CFAP61: variants seen among roughly 807,000 people sequenced by gnomAD.
CFAP61 encodes cilia- and flagella-associated protein 61.
A neutral mutation model predicts 135.6 loss-of-function variants in CFAP61; 107 were observed. The observed-to-expected ratio is 0.79, with a 90% CI of 0.67 to 0.93. CFAP61 has a LOEUF of 0.93. Ranked by LOEUF, CFAP61 falls within the 40% of genes least tolerant of loss-of-function variation. CFAP61 has a pLI of 0.00. For synonymous variants in CFAP61, 575 were observed against 578.5 expected, an observed-to-expected ratio of 0.99 and a Z score of 0.09; for missense variants, 1,507 against 1,556.2, an observed-to-expected ratio of 0.97 and a Z score of 0.53.
rs1245754855 is a variant in CFAP61, at chr20:20,109,394, G to C, written c.859+10580G>C. ...TGGGGTTTCATCTTTGCACCACCCA[G>C]CATCCCACCACAGGTACTTGAGGCT... On this transcript the variant is annotated intron_variant, in intron 8 of 26. Transcript: ENST00000245957. 1.3e-5 allele frequency among the ~76,000 whole-genome samples: 2 copies of C among 152,138 alleles called. 1 individual carries two copies. The highest frequency in any genetic ancestry group is 3.9e-4 in the East Asian group (2 of 5,182).
chr20:20,298,560 G>T (rs1029647736), intron 25 of CFAP61, among the ~76,000 whole-genome samples, 174 bp downstream of exon 25: 1 of 152,216 alleles, frequency 6.6e-6, no homozygotes, highest in Non-Finnish European at 1.5e-5. Flanking sequence ...GGGCTGGGGA[G>T]CAGAGAGTCA....
intron 13 of CFAP61, among the ~76,000 whole-genome samples, chr20:20,173,884 C>A (rs952570854): frequency 3.9e-5 from 6 of 152,066 alleles, no homozygotes; most frequent in African/African-American, 1.4e-4. Flanking sequence ...GTAGTAGCGG[C>A]CTTGTTCTTA....
intron 20 of CFAP61, 80 bp from the exon 21 acceptor site, chr20:20,262,876 A>T (rs2052378863): frequency 2.7e-6 from 2 of 735,026 alleles, no homozygotes; most frequent in Non-Finnish European, 2.1e-6. Context: ...GAATATTGCT[A>T]TGTCTACTTT....
chr20:20,305,843 T>C (rs1193488624), intron 25 of CFAP61, among the ~76,000 whole-genome samples: 2 of 152,230 alleles, frequency 1.3e-5, no homozygotes, highest in Non-Finnish European at 2.9e-5. Flanking sequence ...GGATTCCTCA[T>C]TGACCATGCC....
At chr20:20,239,887 C>T (rs1207123242) in intron 18 of CFAP61, among the ~76,000 whole-genome samples, 1 of 152,076 alleles carries the variant, frequency 6.6e-6, no homozygotes, top group Non-Finnish European at 1.5e-5. Context: ...ACCCTCTAGA[C>T]AAGATGGTGA....
chr20:20,125,997 T>A lies in CFAP61; in HGVS notation c.860-16860T>A, dbSNP rs374111353. Among the ~76,000 whole-genome samples the A allele has an allele frequency of 4.0e-5, 6 of 151,834 alleles. 1 individual carries two copies. The highest frequency in any genetic ancestry group is 1.5e-4 in the African/African-American group (6 of 41,100). On this transcript the variant is annotated intron_variant, in intron 8 of 26. Transcript: ENST00000245957. ...CTTTGTCTCTTTTAACTGCTGTTGC[T>A]TTAAAGTTTGTTTTGTCTGATATAA... is the stretch of plus-strand genomic sequence containing the variant.
At chr20:20,197,015 A>T (rs552193928) in intron 16 of CFAP61, among the ~76,000 whole-genome samples, 1 of 152,226 alleles carries the variant, frequency 6.6e-6, no homozygotes, top group Non-Finnish European at 1.5e-5. Flanking sequence ...TGGCTTTTCT[A>T]TATTGACAAA....
intron 23 of CFAP61, among the ~76,000 whole-genome samples, chr20:20,289,709 T>C (rs2147064816): frequency 6.6e-6 from 1 of 152,240 alleles, no homozygotes; most frequent in East Asian, 1.9e-4. Context: ...CCCCACAAGG[T>C]CTTGCTCTGC....
intron 19 of CFAP61, among the ~76,000 whole-genome samples, chr20:20,249,170 G>T (rs1839712756): frequency 6.6e-6 from 1 of 152,144 alleles, no homozygotes; most frequent in Non-Finnish European, 1.5e-5. Context: ...TCGATATATA[G>T]TTTCACTCAA....
intron 25 of CFAP61, among the ~76,000 whole-genome samples, chr20:20,310,924 A>G (rs1282712511): frequency 6.6e-6 from 1 of 152,238 alleles, no homozygotes; most frequent in African/African-American, 2.4e-5. Flanking sequence ...AGGGTGTTTT[A>G]TAGAGTGGAG....
At chr20:20,302,661 CAAAAAT>C in intron 25 of CFAP61, among the ~76,000 whole-genome samples, 1 of 151,878 alleles carries the variant, frequency 6.6e-6, no homozygotes, top group Admixed American at 6.6e-5. Context: ...GACTGTGTCT[CAAAAAT>C]AAAAATAAAA....
rs1156851258 is a variant in CFAP61, at chr20:20,127,724, C to CA, written c.860-15132dup. Among the ~76,000 whole-genome samples the CA allele has an allele frequency of 4.0e-5, 6 of 151,662 alleles. No individual in the cohort carries two copies. In the East Asian group the frequency reaches 1.2e-3, roughly 29 times the overall value. The stretch of plus-strand genomic sequence containing the variant: ...ATTTTTGTGTTGGTTGGCCTCCTGC[C>CA]AGGTGGTGGATGGGGCCCTAGAACT... On this transcript the variant is annotated intron_variant, in intron 8 of 26. Coordinates refer to ENST00000245957, the MANE Select transcript of CFAP61 (RefSeq NM_015585.4).
At chr20:20,206,475 C>G (rs1247561460) in intron 17 of CFAP61, among the ~76,000 whole-genome samples, 1 of 152,158 alleles carries the variant, frequency 6.6e-6, no homozygotes, top group Non-Finnish European at 1.5e-5. Flanking sequence ...TCTACTTAAT[C>G]TCTCTATGAA....
At chr20:20,222,430 A>T (rs1462172606) in intron 17 of CFAP61, among the ~76,000 whole-genome samples, 1 of 152,112 alleles carries the variant, frequency 6.6e-6, no homozygotes, top group Non-Finnish European at 1.5e-5. Flanking sequence ...GTTAAGAAAA[A>T]AGCCAGTGTC....
chr20:20,264,791 C>CTGAGGTGGGAGGATCAAT (rs1229324378), intron 21 of CFAP61, among the ~76,000 whole-genome samples: 1 of 152,128 alleles, frequency 6.6e-6, no homozygotes, highest in Non-Finnish European at 1.5e-5. Flanking sequence ...ACCTGGGAGG[C>CTGAGGTGGGAGGATCAAT]TGAGGTGGGA....
intron 18 of CFAP61, among the ~76,000 whole-genome samples, chr20:20,242,863 G>C (rs994590537): frequency 1.3e-5 from 2 of 152,216 alleles, no homozygotes; most frequent in African/African-American, 4.8e-5. Context: ...ATGGGAATTA[G>C]ATGACCTTTG....
rs553604373 is a variant in CFAP61 at position 20,169,361 on chromosome 20, C to T, written c.1286C>T (p.Pro429Leu). The change falls in exon 13 of 27, where the codon CCC becomes CTC. Residue 429 changes from proline to leucine, a missense_variant. Transcript: ENST00000245957. ...FCVISLPHLT[P>L]EFFLIQNFVK... ...GTAATTTCTCTGCCCCATCTCACCCCCGAGTTCTTCCTCATCCAGAACTTC... is the reference window on the plus strand; with the variant it reads ...GTAATTTCTCTGCCCCATCTCACCCTCGAGTTCTTCCTCATCCAGAACTTC... 10 of 1,613,768 alleles carry T rather than the reference C, an allele frequency of 6.2e-6. No individual in the cohort carries two copies. In the African/African-American group the frequency reaches 1.1e-4, roughly 17 times the overall value.
At chr20:20,205,373 G>A (rs758409500) in intron 17 of CFAP61, among the ~76,000 whole-genome samples, 5 of 152,130 alleles carry the variant, frequency 3.3e-5, no homozygotes, top group Non-Finnish European at 7.4e-5. Flanking sequence ...CTTGTCCAAA[G>A]GCAAATTAAT....
intron 20 of CFAP61, among the ~76,000 whole-genome samples, chr20:20,256,844 T>A (rs2051636364): frequency 6.6e-6 from 1 of 152,112 alleles, no homozygotes; most frequent in Admixed American, 6.5e-5. Context: ...CAAAGAAAAA[T>A]TTTCTCAGTT....
Sources: allele counts gnomAD v4.1 joint callset (sites outside exome capture counted in the v4.1 genomes callset), GRCh38; gene constraint gnomAD v4.1.1; transcripts MANE v1.5; gene names NCBI Gene and HGNC (gene_info 2026-07-23, HGNC 2026-07-21).